The following CYP7B1 variants were observed in gnomAD, a reference collection of about 807,000 sequenced individuals.
The protein encoded by CYP7B1 is cytochrome P450 7B1.
In CYP7B1, 29 loss-of-function variants were observed where a neutral mutation model predicts 42.7. That is an observed-to-expected ratio of 0.68 (90% CI 0.51 to 0.93). The LOEUF is 0.93. Ranked by LOEUF, CYP7B1 falls within the 40% of genes least tolerant of loss-of-function variation. CYP7B1 has a pLI of 0.00. For synonymous variants in CYP7B1, 235 were observed against 218.2 expected (o/e 1.08, Z -0.68); for missense variants, 655 against 600.5 (o/e 1.09, Z -0.95).
At chr8:64,631,900 CA>C (rs35942788) in intron 1 of CYP7B1, among the ~76,000 whole-genome samples, 128,809 of 152,070 alleles carry the variant, frequency 0.85, 54,806 homozygotes, top group Middle Eastern at 0.9. Context: ...GACTATTATC[CA>C]AAAAAACAAA....
At chr8:64,668,937 TA>T (rs1806323797) in intron 1 of CYP7B1, among the ~76,000 whole-genome samples, 1 of 152,106 alleles carries the variant, frequency 6.6e-6, no homozygotes, top group African/African-American at 2.4e-5. Context: ...TCGAATCCCA[TA>T]ACTGCTTTAT....
chr8:64,709,918 T>G (rs1480429632), intron 1 of CYP7B1, among the ~76,000 whole-genome samples: 5 of 152,216 alleles, frequency 3.3e-5, no homozygotes, highest in African/African-American at 9.7e-5. Context: ...CTTTACTGTT[T>G]GAGAGCAATT....
chr8:64,739,214 G>A (rs1807534229), intron 1 of CYP7B1, among the ~76,000 whole-genome samples: 2 of 152,158 alleles, frequency 1.3e-5, no homozygotes, highest in African/African-American at 4.8e-5. Context: ...CATTGGTGAA[G>A]GTCACAGCCC....
intron 1 of CYP7B1, among the ~76,000 whole-genome samples, chr8:64,682,407 T>C (rs911887008): frequency 6.6e-6 from 1 of 152,220 alleles, no homozygotes; most frequent in Admixed American, 6.5e-5. Context: ...GGCGCTAACC[T>C]TTTTTACTGC....
chr8:64,793,590 A>G (rs115380677), intron 1 of CYP7B1, among the ~76,000 whole-genome samples: 145 of 152,290 alleles, frequency 9.5e-4, no homozygotes, highest in African/African-American at 3.4e-3. Context: ...GACTTGCTGT[A>G]GATGAACTGC....
chr8:64,604,208 C>T (rs535476490), intron 5 of CYP7B1, among the ~76,000 whole-genome samples: 1 of 152,234 alleles, frequency 6.6e-6, no homozygotes, highest in Non-Finnish European at 1.5e-5. Flanking sequence ...GGGGCACATA[C>T]CTTTCATAAG....
Position 64,772,942 on chromosome 8 carries a change from C to T in CYP7B1, c.122+25524G>A, listed in dbSNP as rs142959471. On this transcript the variant is annotated intron_variant, in intron 1 of 5. Coordinates refer to ENST00000310193, the MANE Select transcript of CYP7B1 (RefSeq NM_004820.5). Reference sequence around the variant, plus strand: ...TCCACTGATATCCCATCTCCTCCTTCTCACTTTGTCCAATTATTTGCTCAA... The same window carrying T: ...TCCACTGATATCCCATCTCCTCCTTTTCACTTTGTCCAATTATTTGCTCAA... Among the ~76,000 whole-genome samples the T allele has an allele frequency of 1.3e-3, 191 of 152,314 alleles. 1 individual carries two copies. The highest frequency in any genetic ancestry group is 4.3e-3 in the African/African-American group (178 of 41,562).
chr8:64,701,417 T>C (rs1308329168), intron 1 of CYP7B1, among the ~76,000 whole-genome samples: 1 of 152,090 alleles, frequency 6.6e-6, no homozygotes, highest in Non-Finnish European at 1.5e-5. Flanking sequence ...AACTAAAACA[T>C]TCATGGTCAC....
intron 1 of CYP7B1, among the ~76,000 whole-genome samples, chr8:64,626,970 C>G (rs1805618719): frequency 6.6e-6 from 1 of 152,102 alleles, no homozygotes; most frequent in African/African-American, 2.4e-5. Flanking sequence ...TCCCACAATC[C>G]AACATGGTAG....
At chr8:64,650,414 G>A (rs1806020704) in intron 1 of CYP7B1, among the ~76,000 whole-genome samples, 1 of 152,172 alleles carries the variant, frequency 6.6e-6, no homozygotes, top group Non-Finnish European at 1.5e-5. Context: ...TTGGGAGGCT[G>A]AGGTGGGCGG....
chr8:64,699,361 T>C (rs1563396513), intron 1 of CYP7B1, among the ~76,000 whole-genome samples: 1 of 152,084 alleles, frequency 6.6e-6, no homozygotes, highest in Non-Finnish European at 1.5e-5. Context: ...ATATAAACAC[T>C]TTTTTGAGTA....
chr8:64,700,981 A>G (rs1806907621), intron 1 of CYP7B1, among the ~76,000 whole-genome samples: 1 of 152,004 alleles, frequency 6.6e-6, no homozygotes, highest in South Asian at 2.1e-4. Context: ...TAATGATATC[A>G]AATCTTTTTT....
intron 1 of CYP7B1, among the ~76,000 whole-genome samples, chr8:64,656,466 C>A (rs1344603723): frequency 6.6e-6 from 1 of 152,186 alleles, no homozygotes; most frequent in African/African-American, 2.4e-5. Flanking sequence ...ATCTCCTGAC[C>A]ACGAAAGCCC....
At chr8:64,620,527 T>C (rs1194467815) in intron 2 of CYP7B1, among the ~76,000 whole-genome samples, 1 of 152,222 alleles carries the variant, frequency 6.6e-6, no homozygotes. Context: ...CATGAAAAGA[T>C]GTACTTTTTA....
In CYP7B1 at chr8:64,604,840, C is replaced by G. The variant is rs775305118; in HGVS notation, c.1075G>C (p.Ala359Pro). 2.5e-6 allele frequency: 4 copies of G among 1,613,872 alleles called. No individual in the cohort carries two copies. The highest frequency in any genetic ancestry group is 3.4e-6 in the Non-Finnish European group (4 of 1,180,018). The change falls in exon 5 of 6, where the codon GCT becomes CCT. Residue 359 changes from alanine (A) to proline (P), a missense_variant. Ala to Pro is a conservative substitution (Grantham distance 27). Coordinates refer to ENST00000310193, the MANE Select transcript of CYP7B1 (RefSeq NM_004820.5). ...GTTGAATATGAGGACAGTCGTAAAG[C>G]TTCAAAAATGCTGCTTTCTGAAGGA... ...LICLESSIFE[A>P]LRLSSYSTTI...
intron 1 of CYP7B1, chr8:64,734,598 T>A (rs1377674247): frequency 1.3e-5 from 2 of 152,206 alleles, no homozygotes; most frequent in African/African-American, 4.8e-5. Context: ...TGATTATAAG[T>A]TTCAACATGA....
At chr8:64,777,470 C>A (rs1804345961) in intron 1 of CYP7B1, among the ~76,000 whole-genome samples, 1 of 152,016 alleles carries the variant, frequency 6.6e-6, no homozygotes, top group Non-Finnish European at 1.5e-5. Context: ...TAAAGGAATG[C>A]AGGTCAATTT....
At chr8:64,746,265 CA>C (rs1807641746) in intron 1 of CYP7B1, among the ~76,000 whole-genome samples, 1 of 152,066 alleles carries the variant, frequency 6.6e-6, no homozygotes, top group Non-Finnish European at 1.5e-5. Flanking sequence ...AGTCCCCAAG[CA>C]TTGATCTCCC....
intron 1 of CYP7B1, among the ~76,000 whole-genome samples, chr8:64,671,821 G>A (rs2129631705): frequency 6.6e-6 from 1 of 152,264 alleles, no homozygotes; most frequent in East Asian, 1.9e-4. Context: ...GGGTGGAAAA[G>A]ATGCAAGGTT....
Sources: allele counts gnomAD v4.1 joint callset (sites outside exome capture counted in the v4.1 genomes callset), GRCh38; gene constraint gnomAD v4.1.1; transcripts MANE v1.5; gene names NCBI Gene and HGNC (gene_info 2026-07-23, HGNC 2026-07-21).